Variants in TEKT3 observed in about 807,000 individuals in gnomAD.
TEKT3 encodes tektin 3.
In TEKT3, 49 loss-of-function variants were observed where a neutral mutation model predicts 49.8. That is an observed-to-expected ratio of 0.98 (90% CI 0.78 to 1.25). TEKT3 has a LOEUF of 1.25. Ranked by LOEUF, TEKT3 falls within the 50% of genes most tolerant of loss-of-function variation. TEKT3 has a pLI of 0.00. For synonymous variants in TEKT3, 225 were observed against 237.2 expected, an observed-to-expected ratio of 0.95 and a Z score of 0.47; for missense variants, 595 against 629.5, an observed-to-expected ratio of 0.95 and a Z score of 0.59.
chr17:15,332,252 G>C (rs1159360791), intron 2 of TEKT3, among the ~76,000 whole-genome samples: 1 of 152,018 alleles, frequency 6.6e-6, no homozygotes, highest in Non-Finnish European at 1.5e-5. Context: ...ATAAAAACTA[G>C]ACTTAGCCTC....
At chr17:15,319,836 G>A (rs960601383) in intron 4 of TEKT3, among the ~76,000 whole-genome samples, 1 of 152,230 alleles carries the variant, frequency 6.6e-6, no homozygotes, top group Non-Finnish European at 1.5e-5. Flanking sequence ...TTCTATGCAC[G>A]TTAGAAAATG....
intron 4 of TEKT3, among the ~76,000 whole-genome samples, chr17:15,325,772 T>C (rs139873065): frequency 1.3e-5 from 2 of 152,326 alleles, no homozygotes; most frequent in African/African-American, 4.8e-5. Context: ...ATCTCAGGAT[T>C]AGTGAGAACA....
At chr17:15,322,360 G>T (rs2150743802) in intron 4 of TEKT3, among the ~76,000 whole-genome samples, 1 of 152,224 alleles carries the variant, frequency 6.6e-6, no homozygotes, top group East Asian at 1.9e-4. Flanking sequence ...ATCTTTCCAG[G>T]CTATTGGGTA....
At chr17:15,326,724 T>C (rs560061982) in intron 4 of TEKT3, among the ~76,000 whole-genome samples, 100 of 152,224 alleles carry the variant, frequency 6.6e-4, no homozygotes, top group African/African-American at 2.4e-3. Context: ...TACTTAGGAA[T>C]GAAGAACTAA....
intron 8 of TEKT3, among the ~76,000 whole-genome samples, chr17:15,306,081 T>TATATATATA (rs1910533775): frequency 7.5e-6 from 1 of 132,812 alleles, no homozygotes; most frequent in South Asian, 2.3e-4. Context: ...CACAGTTTAT[T>TATATATATA]TATATATATG....
In TEKT3 at chr17:15,303,979, C is replaced by A. The variant is rs763618773; in HGVS notation, c.1430G>T (p.Arg477Leu). 7.4e-6 allele frequency: 12 copies of A among 1,614,006 alleles called. No homozygotes were observed. The highest frequency in any genetic ancestry group is 4.0e-5 in the African/African-American group (3 of 74,902). Reference sequence around the variant, plus strand: ...CCGGAGGGTGTTGGGGTAGCTCTTGCGCATGCTCATGCATTTTTCCTGGTC... The same window carrying A: ...CCGGAGGGTGTTGGGGTAGCTCTTGAGCATGCTCATGCATTTTTCCTGGTC... ...YIDQEKCMSM[R>L]KSYPNTLRLV... Residue 477 changes from arginine to leucine, a missense_variant, in exon 9 of 9, where the codon CGC becomes CTC. Transcript: ENST00000395930.
At chr17:15,334,966 C>G (rs1911923378) in intron 2 of TEKT3, among the ~76,000 whole-genome samples, 1 of 152,194 alleles carries the variant, frequency 6.6e-6, no homozygotes, top group Non-Finnish European at 1.5e-5. Flanking sequence ...GACTTAGCCT[C>G]TTATATCTAA....
In TEKT3 at chr17:15,331,413, A is replaced by T. The variant is rs1911741647; in HGVS notation, c.173T>A (p.Val58Asp). The change falls in exon 3 of 9, where the codon GTC (valine) becomes GAC (aspartate). Residue 58 changes from valine to aspartate, a missense_variant. Physicochemically the swap from Val to Asp is radical, Grantham distance 152. Coordinates refer to ENST00000395930, the MANE Select transcript of TEKT3 (RefSeq NM_031898.3). Reference sequence around the variant, plus strand: ...GGCCACGCTTGGGGAATTGGAGGCGACTTTGTAGTATGTGCTGGGTCTCCA... The same window carrying T: ...GGCCACGCTTGGGGAATTGGAGGCGTCTTTGTAGTATGTGCTGGGTCTCCA... ...LPWRPSTYYK[V>D]ASNSPSVAPY... The T allele has an allele frequency of 1.9e-6, 3 of 1,614,116 alleles. No homozygotes were observed. The highest frequency in any genetic ancestry group is 2.5e-6 in the Non-Finnish European group (3 of 1,180,020).
At chr17:15,324,193 A>G (rs1911389196) in intron 4 of TEKT3, among the ~76,000 whole-genome samples, 2 of 152,208 alleles carry the variant, frequency 1.3e-5, no homozygotes, top group South Asian at 4.1e-4. Context: ...TGGAATTACC[A>G]TATGTGGTCC....
At chr17:15,305,114 G>C (rs1486487271) in intron 8 of TEKT3, among the ~76,000 whole-genome samples, 1 of 152,210 alleles carries the variant, frequency 6.6e-6, no homozygotes, top group Non-Finnish European at 1.5e-5. Context: ...GGGAGGTAGA[G>C]AGTTGCCCAA....
rs578021878 is a variant in TEKT3, at chr17:15,303,864, G to T, written c.*72C>A. On this transcript the variant is annotated 3_prime_UTR_variant, in exon 9 of 9. Coordinates refer to ENST00000395930, the MANE Select transcript of TEKT3 (RefSeq NM_031898.3). ...TTAATAAGTGACTATATTAGCATTC[G>T]GTTCAAATGCTGAGACAGTGCTCTG... The T allele has an allele frequency of 9.7e-4, 1,331 of 1,370,708 alleles. 22 individuals are homozygous for T. The South Asian group carries it at 0.015, about 15-fold the overall frequency. 84.9% of individuals were successfully genotyped at this position (1,370,708 alleles called of 1,614,324 possible).
At chr17:15,331,934 G>C (rs1298958195) in intron 2 of TEKT3, among the ~76,000 whole-genome samples, 1 of 152,142 alleles carries the variant, frequency 6.6e-6, no homozygotes, top group Non-Finnish European at 1.5e-5. Context: ...CATCTTAACG[G>C]ATAGGGATTC....
chr17:15,318,697 C>T (rs1911124200), intron 5 of TEKT3, among the ~76,000 whole-genome samples: 1 of 152,174 alleles, frequency 6.6e-6, no homozygotes, highest in Admixed American at 6.6e-5. Context: ...GCCACCATGC[C>T]TGGCTAATTT....
intron 5 of TEKT3, among the ~76,000 whole-genome samples, chr17:15,318,700 G>A (rs574965347): frequency 2.6e-5 from 4 of 152,124 alleles, no homozygotes; most frequent in Middle Eastern, 6.8e-3. Flanking sequence ...ACCATGCCTG[G>A]CTAATTTGTA....
Position 15,331,113 on chromosome 17 carries a change from G to C in TEKT3, c.473C>G (p.Ser158Cys). Residue 158 changes from serine (S) to cysteine (C), a missense_variant, in exon 3 of 9, where the codon TCT becomes TGT. Physicochemically the swap from Ser to Cys is moderately radical, Grantham distance 112 (BLOSUM62 -1). Transcript: ENST00000395930. ...ERVNDIGFWK[S>C]EIIHELDEMI... ...TTCATCCAACTCATGAATGATTTCAGATTTCCAAAACCCTATGTCATTGAC... is the reference window on the plus strand; with the variant it reads ...TTCATCCAACTCATGAATGATTTCACATTTCCAAAACCCTATGTCATTGAC... 1.2e-6 allele frequency: 2 copies of C among 1,614,172 alleles called. No homozygotes were observed. The highest frequency in any genetic ancestry group is 8.5e-7 in the Non-Finnish European group (1 of 1,180,032).
chr17:15,305,973 G>C (rs963134544), intron 8 of TEKT3, among the ~76,000 whole-genome samples: 3 of 152,062 alleles, frequency 2.0e-5, no homozygotes, highest in African/African-American at 4.8e-5. Flanking sequence ...TGATTGCAGA[G>C]AGCTGTTCTG....
In TEKT3 at chr17:15,308,668, G is replaced by T; in HGVS notation, c.1252C>A (p.Leu418Ile). 1 of 1,606,310 alleles carries T rather than the reference G, an allele frequency of 6.2e-7. No individual in the cohort carries two copies. The highest frequency in any genetic ancestry group is 1.7e-5 in the Admixed American group (1 of 59,954). The change falls in exon 8 of 9, where the codon CTA (leucine) becomes ATA (isoleucine). Residue 418 changes from leucine to isoleucine, a missense_variant. Physicochemically the swap from Leu to Ile is conservative, Grantham distance 5. Coordinates refer to ENST00000395930, the MANE Select transcript of TEKT3 (RefSeq NM_031898.3). ...NIELCRDMAQ[L>I]RLVNEVHEVD... is the part of the protein sequence containing the mutation. The stretch of plus-strand genomic sequence containing the variant: ...AGCCTTCCCCTCCCACCTTACCGTA[G>T]CTGAGCCATGTCTCGGCACAACTCA...
chr17:15,304,228 G>T lies in TEKT3; in HGVS notation c.1257-76C>A. ...CTCCAAGTACATCACATTGTAACCA[G>T]CGATGCAAAGCTCACATTTTCTTTA... is the stretch of plus-strand genomic sequence containing the variant. On this transcript the variant is annotated intron_variant, in intron 8 of 8. Coordinates refer to ENST00000395930, the MANE Select transcript of TEKT3 (RefSeq NM_031898.3). The surrounding 1 kb of genome is among the most constrained non-coding windows in gnomAD (Gnocchi z 4.7). 1 of 1,415,432 alleles carries T rather than the reference G, an allele frequency of 7.1e-7. No individual in the cohort carries two copies. The highest frequency in any genetic ancestry group is 9.9e-7 in the Non-Finnish European group (1 of 1,012,466). The allele number at this position is 1,415,432 out of a possible 1,614,324, so 87.7% of individuals were successfully genotyped here. A position where few individuals can be genotyped will look rare whatever the true frequency, so the allele number is the denominator to read the frequency against.
chr17:15,335,792 T>A (rs1911954376), intron 2 of TEKT3, among the ~76,000 whole-genome samples: 1 of 152,112 alleles, frequency 6.6e-6, no homozygotes. Flanking sequence ...AAGACAGAAA[T>A]GGAAGACTGG....
Sources: gnomAD v4.1 joint callset for allele counts (sites outside exome capture counted in the v4.1 genomes callset) on GRCh38, gnomAD v4.1.1 for gene constraint, Gnocchi (gnomAD v3.1) non-coding constraint, MANE v1.5 for transcripts, NCBI Gene and HGNC (gene_info 2026-07-23, HGNC 2026-07-21) for gene names.